ZSCAN5A: variants seen among roughly 807,000 people sequenced by gnomAD.
ZSCAN5A encodes the protein zinc finger and SCAN domain containing 5A, also known as zinc finger and SCAN domain-containing protein 5A.
In ZSCAN5A, 12 loss-of-function variants were observed where a neutral mutation model predicts 23.7. The observed-to-expected ratio is 0.51, with a 90% CI of 0.32 to 0.82. The LOEUF is 0.82. ZSCAN5A is among the 40% of genes least tolerant of loss of function. The pLI, the probability that ZSCAN5A is intolerant of heterozygous loss-of-function variation, is 0.03. For missense variants in ZSCAN5A, 597 were observed against 617.9 expected (o/e 0.97, Z 0.36); for synonymous variants, 257 against 239.9 (o/e 1.07, Z -0.66).
intron 2 of ZSCAN5A, among the ~76,000 whole-genome samples, chr19:56,302,329 T>C (rs553128173): frequency 4.1e-5 from 5 of 122,258 alleles, no homozygotes; most frequent in Admixed American, 1.7e-4. Flanking sequence ...TCCCTCCCCT[T>C]CCTCCTTCCC....
At position 56,224,977 on chromosome 19, in the gene ZSCAN5A, G is replaced by C; in HGVS notation, c.70C>G (p.Arg24Gly). ...TGAGTTTCTGAGGATGCCATAGACC[G>C]TGGCAGCTCCAACCCAGGTCTGTTG... is the stretch of plus-strand genomic sequence containing the variant. Reference protein sequence around the residue: ...SCNRPGLELPRSMASSETQLG... With the variant: ...SCNRPGLELPGSMASSETQLG... The change falls in exon 3 of 6, where the codon CGG (arginine) becomes GGG (glycine). Residue 24 changes from arginine (R) to glycine (G), a missense_variant. By Grantham distance (125) the Arg-to-Gly change is moderately radical. Transcript: ENST00000683990. 6.2e-7 allele frequency: 1 copy of C among 1,614,160 alleles called. No homozygotes were observed. The highest frequency in any genetic ancestry group is 8.5e-7 in the Non-Finnish European group (1 of 1,180,006).
chr19:56,285,240 T>G (rs1396108106), intron 2 of ZSCAN5A, among the ~76,000 whole-genome samples: 2 of 151,776 alleles, frequency 1.3e-5, no homozygotes, highest in African/African-American at 2.4e-5. Flanking sequence ...TGCTGTGGAG[T>G]TTTTTAAGTT....
intron 2 of ZSCAN5A, among the ~76,000 whole-genome samples, chr19:56,240,585 G>T (rs528020254): frequency 8.5e-5 from 13 of 152,314 alleles, no homozygotes; most frequent in African/African-American, 3.1e-4. Flanking sequence ...CTGGCATGCA[G>T]GGGGGTTAGT....
chr19:56,221,927 C>T lies in ZSCAN5A; in HGVS notation c.1139G>A (p.Gly380Asp). The change falls in exon 6 of 6, where the codon GGC (glycine) becomes GAC (aspartate). Residue 380 changes from glycine to aspartate, a missense_variant. Coordinates refer to ENST00000683990, the MANE Select transcript of ZSCAN5A (RefSeq NM_001322064.3). ...GAGATTACATTGAAAGAGTCTCTCG[C>T]CTGTGTGTGATCTCTTGTGGATGAC... ...KLVIHKRSHT[G>D]ERLFQCNLCG... 6.2e-7 allele frequency: 1 copy of T among 1,614,152 alleles called. No homozygotes were observed. The highest frequency in any genetic ancestry group is 8.5e-7 in the Non-Finnish European group (1 of 1,180,018).
At chr19:56,356,450 A>C (rs946324540) in intron 2 of ZSCAN5A, among the ~76,000 whole-genome samples, 6 of 148,372 alleles carry the variant, frequency 4.0e-5, no homozygotes, top group African/African-American at 1.5e-4. Flanking sequence ...GGTAAGCAAG[A>C]ATTCACAGAG....
chr19:56,245,104 T>G, intron 2 of ZSCAN5A: 2 of 333,736 alleles, frequency 6.0e-6, no homozygotes, highest in Non-Finnish European at 5.4e-6. Flanking sequence ...TGATTCTGCA[T>G]TGGGAAGGCA....
In ZSCAN5A at chr19:56,254,658, G is replaced by T. The variant is rs555833298; in HGVS notation, c.-127-29485C>A. Among the ~76,000 whole-genome samples, 17 of 151,932 alleles carry T rather than the reference G, an allele frequency of 1.1e-4. No individual in the cohort carries two copies. The East Asian group carries it at 3.1e-3, about 28-fold the overall frequency. On this transcript the variant is annotated intron_variant, in intron 2 of 5. Coordinates refer to ENST00000683990, the MANE Select transcript of ZSCAN5A (RefSeq NM_001322064.3). ...TAATTCTATGTTTAATTTTTGGGGG[G>T]GGCTGCCATGCTGTTTTCCTTGTGT...
At chr19:56,304,259 G>T (rs1310966679) in intron 2 of ZSCAN5A, among the ~76,000 whole-genome samples, 1 of 152,208 alleles carries the variant, frequency 6.6e-6, no homozygotes, top group South Asian at 2.1e-4. Flanking sequence ...TTATGCGCTG[G>T]GTGTGAGGAA....
rs1449167317 is a variant in ZSCAN5A at position 56,222,301 on chromosome 19, C to A, written c.765G>T (p.Gly255=). The change falls in exon 6 of 6, where the codon GGG becomes GGT. Residue 255 remains glycine (G), a synonymous_variant. Transcript: ENST00000683990. The part of the protein sequence containing the change: ...SPTDLVRAKE[G]KDPPKIASVE... ...CAGAGGCTATTTTTGGGGGGTCCTTCCCCTCCTTTGCTCTCACCAGATCTG... is the reference window on the plus strand; with the variant it reads ...CAGAGGCTATTTTTGGGGGGTCCTTACCCTCCTTTGCTCTCACCAGATCTG... 6.2e-7 allele frequency: 1 copy of A among 1,612,244 alleles called. No homozygotes were observed. The highest frequency in any genetic ancestry group is 1.3e-5 in the African/African-American group (1 of 74,914).
At chr19:56,304,165 T>C (rs938842033) in intron 2 of ZSCAN5A, among the ~76,000 whole-genome samples, 1 of 152,056 alleles carries the variant, frequency 6.6e-6, no homozygotes, top group Non-Finnish European at 1.5e-5. Flanking sequence ...GGAGACACAC[T>C]GAGAGGAGGC....
At chr19:56,300,324 C>G (rs1330916125) in intron 2 of ZSCAN5A, among the ~76,000 whole-genome samples, 5 of 152,164 alleles carry the variant, frequency 3.3e-5, no homozygotes, top group Non-Finnish European at 5.9e-5. Flanking sequence ...AGTTAAAGAA[C>G]TTGACAGCTC....
At chr19:56,318,352 C>G (rs1212313031), upstream of ZSCAN5A, among the ~76,000 whole-genome samples, 2 of 152,064 alleles carry the variant, frequency 1.3e-5, no homozygotes, top group African/African-American at 4.8e-5. Flanking sequence ...AGCTCATTCT[C>G]TATATCAAAA....
intron 2 of ZSCAN5A, among the ~76,000 whole-genome samples, chr19:56,264,542 G>A (rs760162460): frequency 2.0e-5 from 3 of 152,220 alleles, no homozygotes; most frequent in Admixed American, 6.5e-5. Flanking sequence ...ATCAAGGTAA[G>A]ATGAGGAAGT....
chr19:56,295,424 G>A (rs1432797259), intron 2 of ZSCAN5A, among the ~76,000 whole-genome samples: 4 of 152,058 alleles, frequency 2.6e-5, no homozygotes, highest in Admixed American at 6.5e-5. Context: ...TGAAACCTCC[G>A]TTTCTACTAA....
intron 2 of ZSCAN5A, among the ~76,000 whole-genome samples, chr19:56,268,890 T>C (rs2037651433): frequency 6.6e-6 from 1 of 152,234 alleles, no homozygotes; most frequent in African/African-American, 2.4e-5. Context: ...TAGGTAGTCT[T>C]TTGTGTCTGG....
In ZSCAN5A at chr19:56,358,008, A is replaced by G. The variant is rs1317060536; in HGVS notation, c.-358+5227T>C. ...ACTTTAAACCAAGAAAGGTCAAAAA[A>G]GACAAAGAAGGGCATTAGGTAATGG... On this transcript the variant is annotated intron_variant, in intron 2 of 6. Transcript: ENST00000587340. Among the ~76,000 whole-genome samples the G allele has an allele frequency of 2.0e-5, 3 of 149,098 alleles. No homozygotes were observed. The East Asian group carries it at 5.8e-4, about 29-fold the overall frequency.
chr19:56,265,470 T>C (rs1289588722), intron 2 of ZSCAN5A, among the ~76,000 whole-genome samples: 2 of 151,060 alleles, frequency 1.3e-5, no homozygotes, highest in African/African-American at 4.9e-5. Flanking sequence ...CTTTGAGAGA[T>C]CCAATGGAAG....
chr19:56,223,950 T>C, intron 3 of ZSCAN5A, 116 bp from the exon 4 acceptor site: 1 of 989,484 alleles, frequency 1.0e-6, no homozygotes, highest in Non-Finnish European at 1.5e-6. Flanking sequence ...CAAATCTGCC[T>C]TCCCAATAGA....
At chr19:56,284,241 T>C in intron 2 of ZSCAN5A, 1 of 951,978 alleles carries the variant, frequency 1.1e-6, no homozygotes, top group Non-Finnish European at 1.3e-6. Flanking sequence ...GCCCCCAGAC[T>C]GTGCACTTTG....
Sources: gnomAD v4.1 joint callset for allele counts (sites outside exome capture counted in the v4.1 genomes callset) on GRCh38, gnomAD v4.1.1 for gene constraint, MANE v1.5 for transcripts, NCBI Gene and HGNC (gene_info 2026-07-23, HGNC 2026-07-21) for gene names.